Variants in INTU observed in about 807,000 individuals in gnomAD.
INTU encodes the protein protein inturned.
Under a neutral mutation model 100.5 loss-of-function variants are expected in INTU, and 68 were observed. That is an observed-to-expected ratio of 0.68 (90% confidence interval 0.56 to 0.83). The LOEUF (loss-of-function observed/expected upper bound fraction) is 0.83. Among genes scored for constraint, INTU ranks in the 40% least tolerant of loss-of-function variants. INTU has a pLI of 0.00. For synonymous variants in INTU, 357 were observed against 395.7 expected, an observed-to-expected ratio of 0.90 and a Z score of 1.16; for missense variants, 1,071 against 1,114.7, an observed-to-expected ratio of 0.96 and a Z score of 0.56.
At chr4:127,704,739 G>C (rs1730801230) in intron 10 of INTU, among the ~76,000 whole-genome samples, 1 of 152,150 alleles carries the variant, frequency 6.6e-6, no homozygotes, top group Non-Finnish European at 1.5e-5. Context: ...GTTTGTAAGA[G>C]AGAAGACTAA....
chr4:127,680,308 G>T (rs1179645652), intron 6 of INTU, among the ~76,000 whole-genome samples: 6 of 151,266 alleles, frequency 4.0e-5, no homozygotes, highest in Admixed American at 6.6e-5. Context: ...CCAAAAAAGA[G>T]AATTTTAGAC....
intron 5 of INTU, among the ~76,000 whole-genome samples, chr4:127,670,157 T>C (rs994083894): frequency 2.6e-4 from 39 of 152,050 alleles, no homozygotes; most frequent in African/African-American, 8.9e-4. Flanking sequence ...GTGTTTTTTT[T>C]CATAAAATAA....
chr4:127,689,305 A>G lies in INTU; in HGVS notation c.1449+1438A>G, dbSNP rs141726616. Among the ~76,000 whole-genome samples, 263 of 152,136 alleles carry G rather than the reference A, an allele frequency of 1.7e-3. 2 individuals are homozygous for G. Among genetic ancestry groups the G allele is most frequent in the African/African-American group, 6.0e-3 (251 of 41,516 alleles). ...GCCTACCATTTTCTTAAATTGTATA[A>G]AAAACTAAGAAGTATGAGATATATA... On this transcript the variant is annotated intron_variant, in intron 8 of 15. Transcript: ENST00000335251.
rs1295758661 is a variant in INTU, at chr4:127,656,875, C to CTAA, written c.768+157_768+159dup. Among the ~76,000 whole-genome samples, 6 of 152,022 alleles carry CTAA rather than the reference C, an allele frequency of 3.9e-5. No individual in the cohort carries two copies. In the East Asian group the frequency reaches 9.6e-4, roughly 24 times the overall value. On this transcript the variant is annotated intron_variant, in intron 3 of 15. Transcript: ENST00000335251. ...CCTATTTAAGAAAATTTAGCTCTTG[C>CTAA]TAATATTATTAGCTTCTGGAGATTA... is the stretch of plus-strand genomic sequence containing the variant.
At chr4:127,648,151 C>A (rs1198248311) in intron 2 of INTU, among the ~76,000 whole-genome samples, 2 of 152,178 alleles carry the variant, frequency 1.3e-5, no homozygotes, top group Non-Finnish European at 2.9e-5. Flanking sequence ...TCATATAATT[C>A]ATTCCCTTTT....
intron 8 of INTU, among the ~76,000 whole-genome samples, chr4:127,692,460 G>T (rs1730192294): frequency 1.3e-5 from 2 of 152,024 alleles, no homozygotes; most frequent in Admixed American, 1.3e-4. Flanking sequence ...TTGCTGATTT[G>T]TTTGAGTTCC....
At chr4:127,704,402 T>C (rs1578630227) in intron 10 of INTU, 112 bp downstream of exon 10, 2 of 808,740 alleles carry the variant, frequency 2.5e-6, no homozygotes, top group East Asian at 5.1e-5. Flanking sequence ...CAAATGTAGG[T>C]ACCATAAGAT....
Position 127,677,340 on chromosome 4 carries a change from G to C in INTU, c.1181+3127G>C, listed in dbSNP as rs572563877. 6.5e-4 allele frequency among the ~76,000 whole-genome samples: 98 copies of C among 151,476 alleles called. 3 individuals carry two copies. The highest frequency in any genetic ancestry group is 1.3e-3 in the African/African-American group (53 of 40,758). On this transcript the variant is annotated intron_variant, in intron 6 of 15. Coordinates refer to ENST00000335251, the MANE Select transcript of INTU (RefSeq NM_015693.4). The stretch of plus-strand genomic sequence containing the variant: ...CCCTGACCCCCGAGCAGCCTAACTG[G>C]GAGGCACCCCCCAGTAGGGGCAGAC...
intron 5 of INTU, among the ~76,000 whole-genome samples, chr4:127,669,540 A>G (rs959313523): frequency 5.3e-5 from 8 of 151,760 alleles, no homozygotes; most frequent in African/African-American, 1.9e-4. Flanking sequence ...TCATGTTTCT[A>G]TCTTGATTGT....
chr4:127,721,631 C>T lies in INTU; in HGVS notation c.*5195C>T, dbSNP rs1235487482. The T allele has an allele frequency of 6.6e-6, 1 of 152,204 alleles. No individual in the cohort carries two copies. The highest frequency in any genetic ancestry group is 1.5e-5 in the Non-Finnish European group (1 of 68,036). 9.4% of individuals were successfully genotyped at this position (152,204 alleles called of 1,614,324 possible). A position where few individuals can be genotyped will look rare whatever the true frequency, so the allele number is the denominator to read the frequency against. ...ACCAGTCGTAGGTTCAGTCTTTTAACATAATCCCATAGTTCTCAGAGGTTT... is the reference window on the plus strand; with the variant it reads ...ACCAGTCGTAGGTTCAGTCTTTTAATATAATCCCATAGTTCTCAGAGGTTT... On this transcript the variant is annotated 3_prime_UTR_variant, in exon 16 of 16. Transcript: ENST00000335251.
chr4:127,633,147 C>T lies in INTU; in HGVS notation c.113C>T (p.Ser38Leu), dbSNP rs754032402. The change falls in exon 1 of 16, where the codon TCG becomes TTG. Residue 38 changes from serine to leucine, a missense_variant. Physicochemically the swap from Ser to Leu is moderately radical, Grantham distance 145. Coordinates refer to ENST00000335251, the MANE Select transcript of INTU (RefSeq NM_015693.4). ...DYDFEDRVSD[S>L]GSYSSASSDY... ...GATTTTGAAGATCGGGTCAGCGACTCGGGTTCATATTCCTCAGCGAGTAGC... is the reference window on the plus strand; with the variant it reads ...GATTTTGAAGATCGGGTCAGCGACTTGGGTTCATATTCCTCAGCGAGTAGC... 1.4e-5 allele frequency: 22 copies of T among 1,613,802 alleles called. No homozygotes were observed. Among genetic ancestry groups the T allele is most frequent in the African/African-American group, 4.0e-5 (3 of 74,884 alleles).
rs573223872 is a variant in INTU, at chr4:127,647,078, T to G, written c.682+3022T>G. Reference sequence around the variant, plus strand: ...AAGCAAGCCTGATTTATTTTTTTCCTAACTGACCTCCAGATACACCTTGTG... The same window carrying G: ...AAGCAAGCCTGATTTATTTTTTTCCGAACTGACCTCCAGATACACCTTGTG... On this transcript the variant is annotated intron_variant, in intron 2 of 15. Transcript: ENST00000335251. 2.6e-5 allele frequency among the ~76,000 whole-genome samples: 4 copies of G among 152,316 alleles called. No homozygotes were observed. The East Asian group carries it at 7.7e-4, about 29-fold the overall frequency.
chr4:127,693,895 CCATCCCTG>C (rs1730266904), intron 8 of INTU, among the ~76,000 whole-genome samples: 1 of 152,084 alleles, frequency 6.6e-6, no homozygotes, highest in South Asian at 2.1e-4. Flanking sequence ...GTATGTTAAA[CCATCCCTG>C]CATTCCTGGT....
At chr4:127,693,779 T>C (rs1301926671) in intron 8 of INTU, among the ~76,000 whole-genome samples, 3 of 152,148 alleles carry the variant, frequency 2.0e-5, no homozygotes, top group Non-Finnish European at 4.4e-5. Context: ...GTTTTAATCA[T>C]ATAAGGATGC....
chr4:127,664,866 G>A lies in INTU; in HGVS notation c.972+1282G>A, dbSNP rs982752026. Reference sequence around the variant, plus strand: ...AGATTACTGATATATTTGAATTCATGTCTGCTATCTTCTTTAAAAATTTCT... The same window carrying A: ...AGATTACTGATATATTTGAATTCATATCTGCTATCTTCTTTAAAAATTTCT... On this transcript the variant is annotated intron_variant, in intron 4 of 15. Transcript: ENST00000335251. Among the ~76,000 whole-genome samples the A allele has an allele frequency of 1.4e-4, 21 of 151,942 alleles. No homozygotes were observed. The East Asian group carries it at 2.3e-3, about 17-fold the overall frequency.
chr4:127,673,885 C>T (rs1729049028), intron 5 of INTU, among the ~76,000 whole-genome samples: 1 of 151,096 alleles, frequency 6.6e-6, no homozygotes, highest in Non-Finnish European at 1.5e-5. Context: ...GTGTGAGCCA[C>T]CACACCCAGC....
At chr4:127,657,630 A>T (rs1342214669) in intron 3 of INTU, among the ~76,000 whole-genome samples, 2 of 152,018 alleles carry the variant, frequency 1.3e-5, no homozygotes, top group African/African-American at 4.8e-5. Flanking sequence ...GGGTGGCATT[A>T]GATTCTCCTA....
At chr4:127,642,240 C>G (rs1194913367) in intron 1 of INTU, among the ~76,000 whole-genome samples, 1 of 152,166 alleles carries the variant, frequency 6.6e-6, no homozygotes, top group Non-Finnish European at 1.5e-5. Flanking sequence ...GGTTGATAAT[C>G]TGCAATAAGT....
intron 14 of INTU, among the ~76,000 whole-genome samples, chr4:127,713,392 C>T (rs1731158812): frequency 2.0e-5 from 3 of 152,090 alleles, no homozygotes; most frequent in Admixed American, 2.0e-4. Context: ...TATAAGAAGC[C>T]TTTATAGTCC....
Sources: allele counts gnomAD v4.1 joint callset (sites outside exome capture counted in the v4.1 genomes callset), GRCh38; gene constraint gnomAD v4.1.1; transcripts MANE v1.5; gene names NCBI Gene and HGNC (gene_info 2026-07-23, HGNC 2026-07-21).